The following SAMD12 variants were observed in gnomAD, a reference collection of about 807,000 sequenced individuals.
The protein encoded by SAMD12 is sterile alpha motif domain-containing protein 12.
SAMD12 carries 9 observed loss-of-function variants against 15.0 expected under a neutral mutation model. The observed-to-expected ratio is 0.60, with a 90% CI of 0.36 to 1.05. The LOEUF is 1.05. Among genes scored for constraint, SAMD12 ranks in the 50% least tolerant of loss-of-function variants. SAMD12 has a pLI of 0.01. For synonymous variants in SAMD12, 86 were observed against 90.1 expected, an observed-to-expected ratio of 0.96 and a Z score of 0.25; for missense variants, 230 against 234.2, an observed-to-expected ratio of 0.98 and a Z score of 0.12.
In SAMD12 at chr8:118,292,435, A is replaced by T. The variant is rs149094767; in HGVS notation, c.433+87125T>A. The stretch of plus-strand genomic sequence containing the variant: ...ACAGATTCATAGAAAAAACAACAAT[A>T]TAATAATAGCTACCTCTATTTAGTT... On this transcript the variant is annotated intron_variant, in intron 4 of 4. Coordinates refer to the SAMD12 transcript ENST00000409003. Among the ~76,000 whole-genome samples, 998 of 150,462 alleles carry T rather than the reference A, an allele frequency of 6.6e-3. 13 individuals carry two copies. The highest frequency in any genetic ancestry group is 0.023 in the African/African-American group (952 of 40,994).
chr8:118,372,998 T>C (rs1586621523), downstream of SAMD12, among the ~76,000 whole-genome samples: 1 of 152,220 alleles, frequency 6.6e-6, no homozygotes, highest in African/African-American at 2.4e-5. Context: ...GGGCTGGTAG[T>C]AATAAAAGGA....
chr8:118,361,413 GTGAA>G (rs764500644), intron 4 of SAMD12, among the ~76,000 whole-genome samples: 2 of 152,168 alleles, frequency 1.3e-5, no homozygotes, highest in African/African-American at 2.4e-5. Context: ...TGTTCAATGA[GTGAA>G]TGAATATGTT....
At chr8:118,133,403 T>C in the SAMD12 span, among the ~76,000 whole-genome samples, 1 of 152,126 alleles carries the variant, frequency 6.6e-6, no homozygotes, top group Non-Finnish European at 1.5e-5. Flanking sequence ...GTTACATGGG[T>C]AAACATGTGC....
At chr8:118,218,655 G>C (rs577692107) in intron 4 of SAMD12, among the ~76,000 whole-genome samples, 3 of 151,962 alleles carry the variant, frequency 2.0e-5, no homozygotes, top group South Asian at 2.1e-4. Flanking sequence ...ATTTCACTTA[G>C]CATAACATAC....
the SAMD12 span, among the ~76,000 whole-genome samples, chr8:118,148,343 A>T: frequency 0.12 from 18,498 of 152,170 alleles, 1,251 homozygotes; most frequent in African/African-American, 0.17. Context: ...TTAAAATTAC[A>T]AATGATCTAG....
At chr8:118,143,712 G>A in the SAMD12 span, among the ~76,000 whole-genome samples, 278 of 152,278 alleles carry the variant, frequency 1.8e-3, 4 homozygotes, top group East Asian at 0.044. Context: ...CACGGGCAAA[G>A]TGAGAGTATA....
chr8:118,449,156 A>G (rs7826257), intron 2 of SAMD12, among the ~76,000 whole-genome samples: 109,000 of 151,148 alleles, frequency 0.72, 39,557 homozygotes, highest in African/African-American at 0.81. Context: ...ACTGCCTCCC[A>G]TGTTCAAACG....
intron 1 of SAMD12, chr8:118,621,139 T>C (rs1238203008): frequency 6.6e-6 from 1 of 152,354 alleles, no homozygotes; most frequent in East Asian, 1.9e-4. Flanking sequence ...CTCAAGACTG[T>C]AAGAAGAAAG....
chr8:118,444,867 G>T (rs1194259066), intron 2 of SAMD12, among the ~76,000 whole-genome samples: 1 of 152,104 alleles, frequency 6.6e-6, no homozygotes, highest in African/African-American at 2.4e-5. Flanking sequence ...CACTGCAATT[G>T]TAAGATCCCA....
intron 4 of SAMD12, among the ~76,000 whole-genome samples, chr8:118,303,537 A>C (rs1364180130): frequency 6.6e-6 from 1 of 152,224 alleles, no homozygotes; most frequent in Non-Finnish European, 1.5e-5. Context: ...TCTACGATTG[A>C]CAAAAGAGAA....
At chr8:118,435,089 T>C (rs28433975) in intron 3 of SAMD12, among the ~76,000 whole-genome samples, 15,344 of 30,844 alleles carry the variant, frequency 0.5, 5,935 homozygotes, top group African/African-American at 0.76. Context: ...GGCGACAGAG[T>C]GAGACTCCAT....
downstream of SAMD12, among the ~76,000 whole-genome samples, chr8:118,376,505 G>A (rs777385029): frequency 1.8e-4 from 28 of 152,056 alleles, no homozygotes; most frequent in Admixed American, 1.8e-3. Flanking sequence ...ATCTGCTGGC[G>A]CCCTGATCTT....
intron 4 of SAMD12, among the ~76,000 whole-genome samples, chr8:118,362,488 A>G (rs776388210): frequency 6.6e-6 from 1 of 152,228 alleles, no homozygotes; most frequent in Non-Finnish European, 1.5e-5. Context: ...TGTAGTTTAC[A>G]GTAACTGTGA....
At chr8:118,200,035 A>C (rs1245190275) in intron 4 of SAMD12, among the ~76,000 whole-genome samples, 1 of 152,142 alleles carries the variant, frequency 6.6e-6, no homozygotes, top group Non-Finnish European at 1.5e-5. Context: ...GTAATGAATA[A>C]GTCTCATGAG....
At chr8:118,352,551 T>G (rs1376015870) in intron 4 of SAMD12, among the ~76,000 whole-genome samples, 1 of 152,196 alleles carries the variant, frequency 6.6e-6, no homozygotes. Flanking sequence ...ACTGTCAGTT[T>G]AGTAATGGAA....
intron 2 of SAMD12, among the ~76,000 whole-genome samples, chr8:118,542,343 T>G (rs2131152070): frequency 6.6e-6 from 1 of 152,340 alleles, no homozygotes; most frequent in South Asian, 2.1e-4. Context: ...CAAATAGTAT[T>G]TGGTTTTGAA....
chr8:118,366,749 T>C (rs926029185), intron 4 of SAMD12, among the ~76,000 whole-genome samples: 2 of 150,822 alleles, frequency 1.3e-5, no homozygotes, highest in East Asian at 2.0e-4. Flanking sequence ...GAGGCGAAGG[T>C]TGCAGTGAAC....
At chr8:118,544,736 G>A (rs1460674302) in intron 2 of SAMD12, among the ~76,000 whole-genome samples, 1 of 152,172 alleles carries the variant, frequency 6.6e-6, no homozygotes, top group Non-Finnish European at 1.5e-5. Flanking sequence ...ACAACTTGGA[G>A]AAAGTTCAGT....
intron 4 of SAMD12, among the ~76,000 whole-genome samples, chr8:118,318,308 GTGTA>G (rs1397504090): frequency 4.2e-4 from 24 of 57,524 alleles, no homozygotes; most frequent in Admixed American, 2.5e-3. Flanking sequence ...GGAGATATAT[GTGTA>G]TATATATATA....
Sources: allele counts gnomAD v4.1 joint callset (sites outside exome capture counted in the v4.1 genomes callset), GRCh38; gene constraint gnomAD v4.1.1; transcripts MANE v1.5; gene names NCBI Gene and HGNC (gene_info 2026-07-23, HGNC 2026-07-21).